Variants in RBFOX1 observed in about 807,000 individuals in gnomAD.
The protein encoded by RBFOX1 is RNA binding protein fox-1 homolog 1.
A neutral mutation model predicts 57.7 loss-of-function variants in RBFOX1; 8 were observed. That is an observed-to-expected ratio of 0.14 (90% CI 0.08 to 0.25). The LOEUF is 0.25. Ranked by LOEUF, RBFOX1 falls within the 10% of genes least tolerant of loss-of-function variation. RBFOX1 has a pLI of 1.00. For missense variants in RBFOX1, 611 were observed against 548.5 expected, an observed-to-expected ratio of 1.11 and a Z score of -1.14; for synonymous variants, 326 against 222.4, an observed-to-expected ratio of 1.47 and a Z score of -4.15.
At chr16:5,766,717 T>G (rs537615936) in intron 3 of RBFOX1, among the ~76,000 whole-genome samples, 2 of 152,108 alleles carry the variant, frequency 1.3e-5, no homozygotes, top group African/African-American at 4.8e-5. Flanking sequence ...ACCTCCAATG[T>G]TGGGGACCAG....
chr16:7,155,153 A>G (rs1393397721), intron 4 of RBFOX1, among the ~76,000 whole-genome samples: 2 of 152,196 alleles, frequency 1.3e-5, no homozygotes, highest in African/African-American at 2.4e-5. Flanking sequence ...AGATTTTTGA[A>G]GAGGCTGAGT....
rs930796044 is a variant in RBFOX1, at chr16:5,779,156, C to T, written c.319-88147C>T. Among the ~76,000 whole-genome samples, 18 of 152,146 alleles carry T rather than the reference C, an allele frequency of 1.2e-4. 1 individual carries two copies. The highest frequency in any genetic ancestry group is 9.8e-4 in the Admixed American group (15 of 15,268). ...TGAATTTGAAAATAAATTGCATACCCACTTTTTGCGAAATGACTGTTAGGT... is the reference window on the plus strand; with the variant it reads ...TGAATTTGAAAATAAATTGCATACCTACTTTTTGCGAAATGACTGTTAGGT... On this transcript the variant is annotated intron_variant, in intron 3 of 19. Coordinates refer to the RBFOX1 transcript ENST00000641259.
rs141122915 is a variant in RBFOX1, at chr16:6,647,984, C to A, written c.-63-6619C>A. Reference sequence around the variant, plus strand: ...AGCCTCTCTAGTAGCTGGAATTACACGTGTGTGCCACCATGCCCAGCTAAT... The same window carrying A: ...AGCCTCTCTAGTAGCTGGAATTACAAGTGTGTGCCACCATGCCCAGCTAAT... On this transcript the variant is annotated intron_variant, in intron 2 of 15. Coordinates refer to ENST00000550418, the MANE Select transcript of RBFOX1 (RefSeq NM_018723.4). 6.6e-5 allele frequency among the ~76,000 whole-genome samples: 10 copies of A among 152,162 alleles called. No individual in the cohort carries two copies. In the East Asian group the frequency reaches 9.7e-4, roughly 15 times the overall value.
chr16:5,331,142 A>G (rs1433168268), intron 1 of RBFOX1, among the ~76,000 whole-genome samples: 14 of 152,188 alleles, frequency 9.2e-5, no homozygotes, highest in Non-Finnish European at 1.5e-4. Context: ...GGTCCGCTGT[A>G]TAACTTACGT....
At chr16:5,500,004 C>A (rs900478855) in intron 2 of RBFOX1, among the ~76,000 whole-genome samples, 1 of 152,140 alleles carries the variant, frequency 6.6e-6, no homozygotes, top group African/African-American at 2.4e-5. Flanking sequence ...TTCCTTTCTC[C>A]CATTCTCGCA....
At chr16:5,839,006 G>C (rs989220353) in intron 3 of RBFOX1, among the ~76,000 whole-genome samples, 1 of 152,144 alleles carries the variant, frequency 6.6e-6, no homozygotes, top group African/African-American at 2.4e-5. Flanking sequence ...TTCACAGCTC[G>C]CTGGGGAGTG....
At chr16:7,246,124 T>G (rs973439452) in intron 4 of RBFOX1, among the ~76,000 whole-genome samples, 8 of 152,214 alleles carry the variant, frequency 5.3e-5, no homozygotes, top group Admixed American at 6.5e-5. Context: ...ATAACTTAGT[T>G]TGATACCTAA....
chr16:7,024,804 C>A (rs1293068785), intron 3 of RBFOX1, among the ~76,000 whole-genome samples: 1 of 152,196 alleles, frequency 6.6e-6, no homozygotes. Flanking sequence ...TCCCTCTGGA[C>A]CCTGTTGGAT....
At chr16:7,382,691 G>A (rs1215079546) in intron 4 of RBFOX1, among the ~76,000 whole-genome samples, 6 of 152,310 alleles carry the variant, frequency 3.9e-5, no homozygotes, top group Non-Finnish European at 7.4e-5. Flanking sequence ...TCTAACAGAG[G>A]ATAGTCACCT....
intron 2 of RBFOX1, among the ~76,000 whole-genome samples, chr16:5,495,221 A>T (rs552277805): frequency 1.3e-5 from 2 of 152,292 alleles, no homozygotes; most frequent in South Asian, 2.1e-4. Context: ...AGAAAGAATT[A>T]ACTTCCACCT....
At chr16:7,230,002 G>T (rs565775068) in intron 4 of RBFOX1, among the ~76,000 whole-genome samples, 61 of 130,756 alleles carry the variant, frequency 4.7e-4, no homozygotes, top group African/African-American at 1.9e-3. Context: ...GAGGGAGGAA[G>T]GGAGAGAGAG....
chr16:6,949,840 C>T (rs373359398), intron 3 of RBFOX1, among the ~76,000 whole-genome samples: 8 of 151,954 alleles, frequency 5.3e-5, no homozygotes, highest in Middle Eastern at 3.2e-3. Context: ...TCTCTTCACC[C>T]GGACAGAATG....
At chr16:6,993,148 T>C (rs2091769962) in intron 3 of RBFOX1, among the ~76,000 whole-genome samples, 1 of 152,200 alleles carries the variant, frequency 6.6e-6, no homozygotes, top group African/African-American at 2.4e-5. Flanking sequence ...ACTGTAACAC[T>C]GACTTTCTTT....
At chr16:5,511,491 G>T (rs1450210419) in intron 2 of RBFOX1, among the ~76,000 whole-genome samples, 1 of 152,112 alleles carries the variant, frequency 6.6e-6, no homozygotes, top group African/African-American at 2.4e-5. Context: ...ACCAAACATG[G>T]TGAAGAACAA....
intron 4 of RBFOX1, among the ~76,000 whole-genome samples, chr16:7,288,080 G>C (rs560782493): frequency 6.6e-6 from 1 of 152,220 alleles, no homozygotes; most frequent in East Asian, 1.9e-4. Context: ...TTAGATGCTG[G>C]ATCAAGGTCT....
chr16:6,818,447 T>C (rs904716721), intron 3 of RBFOX1, among the ~76,000 whole-genome samples: 2 of 152,128 alleles, frequency 1.3e-5, no homozygotes, highest in Non-Finnish European at 2.9e-5. Context: ...AAAAAAAATA[T>C]TATTGAATGC....
chr16:6,896,732 A>T (rs200723354), intron 3 of RBFOX1, among the ~76,000 whole-genome samples: 6 of 152,154 alleles, frequency 3.9e-5, no homozygotes, highest in African/African-American at 1.4e-4. Context: ...TGCTCTATGA[A>T]TGCGAGGTCT....
At chr16:5,248,849 C>T (rs182967327) in intron 1 of RBFOX1, among the ~76,000 whole-genome samples, 22 of 151,986 alleles carry the variant, frequency 1.4e-4, no homozygotes, top group Admixed American at 1.4e-3. Flanking sequence ...ATTAGCTGGG[C>T]GATGTGTGGA....
chr16:7,045,450 C>T (rs895853433), intron 3 of RBFOX1, among the ~76,000 whole-genome samples: 1 of 152,138 alleles, frequency 6.6e-6, no homozygotes, highest in Non-Finnish European at 1.5e-5. Context: ...ATTTGAAGGA[C>T]AGCATGGCTA....
Sources: gnomAD v4.1 joint callset for allele counts (sites outside exome capture counted in the v4.1 genomes callset) on GRCh38, gnomAD v4.1.1 for gene constraint, MANE v1.5 for transcripts, NCBI Gene and HGNC (gene_info 2026-07-23, HGNC 2026-07-21) for gene names.